Variants in TMPRSS3 observed in about 807,000 individuals in gnomAD.
TMPRSS3 encodes transmembrane serine protease 3, also known as transmembrane protease serine 3.
Under a neutral mutation model 59.6 loss-of-function variants are expected in TMPRSS3, and 55 were observed. The ratio of observed to expected loss-of-function variants is 0.92; its 90% CI spans 0.74 to 1.16. The LOEUF (loss-of-function observed/expected upper bound fraction) is 1.16. Among genes scored for constraint, TMPRSS3 ranks in the 50% most tolerant of loss-of-function variants. TMPRSS3 has a pLI of 0.00. For missense variants in TMPRSS3, 596 were observed against 579.4 expected (o/e 1.03, Z -0.29); for synonymous variants, 257 against 237.7 (o/e 1.08, Z -0.75).
rs374863761 is a variant in TMPRSS3, at chr21:42,388,378, G to A, written c.446+25C>T. 21 of 1,614,094 alleles carry A rather than the reference G, an allele frequency of 1.3e-5. No homozygotes were observed. Among genetic ancestry groups the A allele is most frequent in the Non-Finnish European group, 1.8e-5 (21 of 1,180,044 alleles). Reference sequence around the variant, plus strand: ...GTTATCCTCTCTGTGTTTTGCCCATGGGTTGGAAATGCTCTTTAACTTACC... The same window carrying A: ...GTTATCCTCTCTGTGTTTTGCCCATAGGTTGGAAATGCTCTTTAACTTACC... On this transcript the variant is annotated intron_variant, in intron 5 of 12. Coordinates refer to ENST00000644384, the MANE Select transcript of TMPRSS3 (RefSeq NM_001256317.3). This position sits in a 1 kb window ranked among gnomAD's most constrained non-coding sequence, Gnocchi z 5.1.
Position 42,388,265 on chromosome 21 carries a change from G to T in TMPRSS3, c.446+138C>A. ...TGCCTGTGAAGTGAGGATGATATCG[G>T]GCATCCTAAGGTGGATGTGAGGATG... On this transcript the variant is annotated intron_variant, in intron 5 of 12. Transcript: ENST00000644384. The surrounding 1 kb of genome is among the most constrained non-coding windows in gnomAD (Gnocchi z 5.1). 8.6e-7 allele frequency: 1 copy of T among 1,164,698 alleles called. No homozygotes were observed. Among genetic ancestry groups the T allele is most frequent in the Non-Finnish European group, 1.3e-6 (1 of 794,328 alleles). The allele number at this position is 1,164,698 out of a possible 1,614,324, so 72.1% of individuals were successfully genotyped here. A position where few individuals can be genotyped will look rare whatever the true frequency, so the allele number is the denominator to read the frequency against.
At chr21:42,374,284 G>A (rs181120170) in intron 12 of TMPRSS3, among the ~76,000 whole-genome samples, 60 of 152,348 alleles carry the variant, frequency 3.9e-4, no homozygotes, top group African/African-American at 1.2e-3. Context: ...CACCCAGCCC[G>A]AGCACAGCCC....
At chr21:42,382,907 G>C in intron 8 of TMPRSS3, 126 bp downstream of exon 8, 1 of 1,163,096 alleles carries the variant, frequency 8.6e-7, no homozygotes, top group Non-Finnish European at 1.2e-6. Flanking sequence ...CTCTCCAACT[G>C]TACATTACTT....
chr21:42,376,666 G>C lies in TMPRSS3; in HGVS notation c.1066C>G (p.Leu356Val). The change falls in exon 11 of 13, where the codon CTG becomes GTG. Residue 356 changes from leucine to valine, a missense_variant. By Grantham distance (32) the Leu-to-Val change is conservative. Transcript: ENST00000644384. ...TEDGGDASPV[L>V]NHAAVPLISN... Reference sequence around the variant, plus strand: ...ATCAAAGGGACGGCCGCGTGGTTCAGGACAGGGGAGGCGTCACCTGCTTCA... The same window carrying C: ...ATCAAAGGGACGGCCGCGTGGTTCACGACAGGGGAGGCGTCACCTGCTTCA... 1 of 1,614,132 alleles carries C rather than the reference G, an allele frequency of 6.2e-7. No individual in the cohort carries two copies. The highest frequency in any genetic ancestry group is 8.5e-7 in the Non-Finnish European group (1 of 1,180,036).
At chr21:42,392,647 G>A (rs375445436) in intron 2 of TMPRSS3, among the ~76,000 whole-genome samples, 29 of 152,178 alleles carry the variant, frequency 1.9e-4, no homozygotes, top group African/African-American at 6.5e-4. Flanking sequence ...CTGCGGTGGT[G>A]AGCTGGCAGA....
At chr21:42,374,073 A>G (rs932392018) in intron 12 of TMPRSS3, among the ~76,000 whole-genome samples, 3 of 152,068 alleles carry the variant, frequency 2.0e-5, no homozygotes, top group African/African-American at 7.2e-5. Context: ...CTCTGTGCCC[A>G]CGCGACCCTT....
rs554970842 is a variant in TMPRSS3 at position 42,390,997 on chromosome 21, C to T, written c.95-960G>A. On this transcript the variant is annotated intron_variant, in intron 2 of 12. Transcript: ENST00000644384. The stretch of plus-strand genomic sequence containing the variant: ...AGACTTCTGGCCTCCAGAACTGAGA[C>T]AATAAATTCCTGTTGTTTTAAGTCA... Among the ~76,000 whole-genome samples the T allele has an allele frequency of 5.9e-5, 9 of 152,280 alleles. No individual in the cohort carries two copies. In the South Asian group the frequency reaches 1.9e-3, roughly 32 times the overall value.
In TMPRSS3 at chr21:42,388,334, G is replaced by A. The variant is rs1210609379; in HGVS notation, c.446+69C>T. The A allele has an allele frequency of 2.5e-6, 4 of 1,605,274 alleles. No homozygotes were observed. The highest frequency in any genetic ancestry group is 3.4e-6 in the Non-Finnish European group (4 of 1,172,110). On this transcript the variant is annotated intron_variant, in intron 5 of 12. Transcript: ENST00000644384. The surrounding 1 kb of genome is among the most constrained non-coding windows in gnomAD (Gnocchi z 5.1). ...GCACCCAATAGTGCCCAACTAAATG[G>A]TAGTTGTCTTTCTTTATTGTTATCC...
chr21:42,390,844 G>T (rs2052724250), intron 2 of TMPRSS3, among the ~76,000 whole-genome samples: 1 of 152,168 alleles, frequency 6.6e-6, no homozygotes, highest in African/African-American at 2.4e-5. Context: ...GGCAGAGATG[G>T]GAACAATGCA....
chr21:42,381,828 G>A, intron 9 of TMPRSS3: 1 of 654,596 alleles, frequency 1.5e-6, no homozygotes, highest in Non-Finnish European at 2.7e-6. Flanking sequence ...AAACATGAGA[G>A]CCACATTGTC....
chr21:42,388,322 C>T lies in TMPRSS3; in HGVS notation c.446+81G>A. Reference sequence around the variant, plus strand: ...GAGAGCGTTAAAGCACCCAATAGTGCCCAACTAAATGGTAGTTGTCTTTCT... The same window carrying T: ...GAGAGCGTTAAAGCACCCAATAGTGTCCAACTAAATGGTAGTTGTCTTTCT... On this transcript the variant is annotated intron_variant, in intron 5 of 12. Transcript: ENST00000644384. This position sits in a 1 kb window ranked among gnomAD's most constrained non-coding sequence, Gnocchi z 5.1. 1 of 1,591,512 alleles carries T rather than the reference C, an allele frequency of 6.3e-7. No homozygotes were observed. Among genetic ancestry groups the T allele is most frequent in the Non-Finnish European group, 8.6e-7 (1 of 1,159,812 alleles).
At chr21:42,376,706 A>T in intron 10 of TMPRSS3, 23 bp from the exon 11 acceptor site, 1 of 1,613,582 alleles carries the variant, frequency 6.2e-7, no homozygotes, top group Non-Finnish European at 8.5e-7. Context: ...GAGTGAGGGG[A>T]TGTGTGTGAG....
At chr21:42,387,449 G>C (rs564390469) in intron 5 of TMPRSS3, among the ~76,000 whole-genome samples, 109 of 151,906 alleles carry the variant, frequency 7.2e-4, no homozygotes, top group Non-Finnish European at 1.4e-3. Context: ...GAAGACGTTA[G>C]TGTGGATGAT....
At chr21:42,373,247 C>G (rs148156918) in intron 12 of TMPRSS3, among the ~76,000 whole-genome samples, 1 of 152,202 alleles carries the variant, frequency 6.6e-6, no homozygotes, top group Non-Finnish European at 1.5e-5. Flanking sequence ...AAACGCACAG[C>G]GGGCCTGCTG....
intron 7 of TMPRSS3, 45 bp downstream of exon 7, chr21:42,383,925 C>A (rs765626204): frequency 7.5e-6 from 12 of 1,603,474 alleles, no homozygotes; most frequent in Non-Finnish European, 1.0e-5. Context: ...TAGGACTTAG[C>A]ATGTGCTTGC....
intron 10 of TMPRSS3, among the ~76,000 whole-genome samples, chr21:42,377,218 G>T (rs956702144): frequency 6.6e-6 from 1 of 152,246 alleles, no homozygotes; most frequent in African/African-American, 2.4e-5. Context: ...CCTTGAGTGG[G>T]GAGATGATCC....
Position 42,384,021 on chromosome 21 carries a change from G to A in TMPRSS3, c.573-8C>T, listed in dbSNP as rs776871966. ...CCAGAGGCACATCCCTCCCTAAAGC[G>A]GAGAAAAAGTAGGCTCTGTGAAAAA... is the stretch of plus-strand genomic sequence containing the variant. On this transcript the variant is annotated splice_polypyrimidine_tract_variant and splice_region_variant and intron_variant, in intron 6 of 12. Transcript: ENST00000644384. The A allele has an allele frequency of 5.2e-5, 84 of 1,613,646 alleles. No individual in the cohort carries two copies. The highest frequency in any genetic ancestry group is 1.6e-4 in the Middle Eastern group (1 of 6,082).
intron 5 of TMPRSS3, among the ~76,000 whole-genome samples, chr21:42,386,630 G>A (rs929025330): frequency 6.6e-5 from 10 of 152,168 alleles, no homozygotes; most frequent in African/African-American, 1.4e-4. Context: ...CACTCACAGC[G>A]TCAGCGGAAC....
intron 12 of TMPRSS3, among the ~76,000 whole-genome samples, chr21:42,373,043 G>A (rs951386891): frequency 3.9e-5 from 6 of 152,124 alleles, no homozygotes; most frequent in Admixed American, 2.0e-4. Flanking sequence ...TCCAGGTCTC[G>A]GCACTATGTT....
Sources: allele counts gnomAD v4.1 joint callset (sites outside exome capture counted in the v4.1 genomes callset), GRCh38; gene constraint gnomAD v4.1.1; non-coding constraint Gnocchi (gnomAD v3.1); transcripts MANE v1.5; gene names NCBI Gene and HGNC (gene_info 2026-07-23, HGNC 2026-07-21).